Variants in IGSF10 observed in about 807,000 individuals in gnomAD.
The protein encoded by IGSF10 is calvaria mechanical force protein 608.
Under a neutral mutation model 128.2 loss-of-function variants are expected in IGSF10, and 126 were observed. The observed-to-expected ratio is 0.98, with a 90% confidence interval of 0.85 to 1.14. IGSF10 has a LOEUF of 1.14. Ranked by LOEUF, IGSF10 falls within the 50% of genes most tolerant of loss-of-function variation. The probability of loss-of-function intolerance (pLI) is 0.00; values close to 1 mark genes in which losing one functional copy is unlikely to be tolerated. For synonymous variants in IGSF10, 1,185 were observed against 1,146.2 expected (o/e 1.03, Z -0.68); for missense variants, 3,295 against 3,149.8 (o/e 1.05, Z -1.10).
In IGSF10 at chr3:151,448,184, A is replaced by G. The variant is rs1164786327; in HGVS notation, c.1797T>C (p.Gly599=). 1 of 1,614,112 alleles carries G rather than the reference A, an allele frequency of 6.2e-7. No individual in the cohort carries two copies. The highest frequency in any genetic ancestry group is 8.5e-7 in the Non-Finnish European group (1 of 1,180,044). ...ETLDLPCHST[G]IPDASISWVI... ...CCCAGCTAATAGAGGCATCTGGGAT[A>G]CCAGTAGAATGGCATGGAAGATCAA... Residue 599 remains glycine (G), a synonymous_variant, in exon 6 of 8, where the codon GGT becomes GGC. Coordinates refer to ENST00000282466, the MANE Select transcript of IGSF10 (RefSeq NM_178822.5).
At chr3:151,616,026 G>A in the IGSF10 span, among the ~76,000 whole-genome samples, 3 of 148,216 alleles carry the variant, frequency 2.0e-5, no homozygotes, top group Non-Finnish European at 3.0e-5. Flanking sequence ...GTGCAATGGC[G>A]TGATCTCGGC....
rs1473253147 is a variant in IGSF10 at position 151,448,535 on chromosome 3, C to G, written c.1446G>C (p.Lys482Asn). 1 of 1,614,218 alleles carries G rather than the reference C, an allele frequency of 6.2e-7. No homozygotes were observed. Among genetic ancestry groups the G allele is most frequent in the South Asian group, 1.1e-5 (1 of 91,090 alleles). The change falls in exon 6 of 8, where the codon AAG becomes AAC. Residue 482 changes from lysine (K) to asparagine (N), a missense_variant. Coordinates refer to ENST00000282466, the MANE Select transcript of IGSF10 (RefSeq NM_178822.5). The stretch of plus-strand genomic sequence containing the variant: ...CACCTACCAAGACAGTATGTTCCAG[C>G]TTAGTATTGTTATCCCTTGAAATCA... ...WTMISRDNNT[K>N]LEHTVLVGGT...
chr3:151,433,770 A>C (rs1352371730), downstream of IGSF10: 1 of 152,636 alleles, frequency 6.6e-6, no homozygotes, highest in Non-Finnish European at 1.5e-5. Context: ...GGTTTTCATA[A>C]AAGGTGTATT....
the IGSF10 span, among the ~76,000 whole-genome samples, chr3:151,532,899 G>A: frequency 6.6e-6 from 1 of 152,190 alleles, no homozygotes; most frequent in Non-Finnish European, 1.5e-5. Context: ...ATTTGCAGAT[G>A]ACATGATTGT....
chr3:151,611,797 T>C, the IGSF10 span, among the ~76,000 whole-genome samples: 1 of 152,194 alleles, frequency 6.6e-6, no homozygotes, highest in African/African-American at 2.4e-5. Context: ...TTAACCTGAC[T>C]TCTTTCCTTC....
At chr3:151,516,862 CA>C in the IGSF10 span, among the ~76,000 whole-genome samples, 1 of 152,046 alleles carries the variant, frequency 6.6e-6, no homozygotes, top group Non-Finnish European at 1.5e-5. Flanking sequence ...CAGTTGTCAC[CA>C]AAACAGTTGC....
the IGSF10 span, among the ~76,000 whole-genome samples, chr3:151,619,703 G>A: frequency 6.6e-6 from 1 of 152,152 alleles, no homozygotes; most frequent in Non-Finnish European, 1.5e-5. Context: ...CACTGCGGCA[G>A]GGTTGAGAGG....
chr3:151,440,682 T>G, intron 7 of IGSF10: 1 of 450,992 alleles, frequency 2.2e-6, no homozygotes, highest in South Asian at 1.6e-5. Flanking sequence ...GGCTAAACAT[T>G]AAAACACTTG....
At chr3:151,454,002 TTTC>T (rs1257953146) in intron 4 of IGSF10, among the ~76,000 whole-genome samples, 1 of 140,380 alleles carries the variant, frequency 7.1e-6, no homozygotes, top group Non-Finnish European at 1.5e-5. Flanking sequence ...GATATATATA[TTTC>T]TTTTTTTCTT....
the IGSF10 span, among the ~76,000 whole-genome samples, chr3:151,503,507 T>C: frequency 2.0e-5 from 3 of 152,156 alleles, no homozygotes; most frequent in African/African-American, 7.2e-5. Context: ...CCTTAACAGA[T>C]TAGAGACAAA....
chr3:151,457,405 C>T (rs1004322768), intron 3 of IGSF10, among the ~76,000 whole-genome samples: 2 of 152,172 alleles, frequency 1.3e-5, no homozygotes, highest in Non-Finnish European at 2.9e-5. Context: ...TTATCATTTT[C>T]AAACTTTTAT....
chr3:151,475,176 A>G, the IGSF10 span, among the ~76,000 whole-genome samples: 1 of 152,368 alleles, frequency 6.6e-6, no homozygotes, highest in African/African-American at 2.4e-5. Flanking sequence ...AAGAACATAA[A>G]GATTCATTCA....
the IGSF10 span, among the ~76,000 whole-genome samples, chr3:151,571,338 C>T: frequency 7.9e-5 from 12 of 151,874 alleles, no homozygotes; most frequent in Non-Finnish European, 1.0e-4. Flanking sequence ...GCCATTTTCA[C>T]GATATTGATT....
chr3:151,467,177 T>G, the IGSF10 span, among the ~76,000 whole-genome samples: 24 of 152,228 alleles, frequency 1.6e-4, no homozygotes, highest in Non-Finnish European at 2.4e-4. Context: ...TAACTTCGAC[T>G]GTTTCTTCTC....
At chr3:151,460,688 C>G (rs1722005004) in intron 1 of IGSF10, among the ~76,000 whole-genome samples, 1 of 152,046 alleles carries the variant, frequency 6.6e-6, no homozygotes, top group African/African-American at 2.4e-5. Context: ...TTGGACAAAT[C>G]TGTCACAGAT....
the IGSF10 span, among the ~76,000 whole-genome samples, chr3:151,493,674 A>G: frequency 6.6e-6 from 1 of 152,146 alleles, no homozygotes; most frequent in African/African-American, 2.4e-5. Context: ...TATACCAACT[A>G]TGTTTGTATA....
At position 151,445,289 on chromosome 3, in the gene IGSF10, T is replaced by C. The variant is rs767399614; in HGVS notation, c.4692A>G (p.Lys1564=). 1 of 1,614,210 alleles carries C rather than the reference T, an allele frequency of 6.2e-7. No homozygotes were observed. The highest frequency in any genetic ancestry group is 8.5e-7 in the Non-Finnish European group (1 of 1,180,036). ...ALTTVKSQNS[K]LTPSPWAENQ... ...TTTCTGCCCAGGGAGATGGAGTTAA[T>C]TTAGAATTCTGTGATTTAACTGTTG... The change falls in exon 6 of 8, where the codon AAA becomes AAG. Residue 1564 remains lysine (K), a synonymous_variant. Coordinates refer to ENST00000282466, the MANE Select transcript of IGSF10 (RefSeq NM_178822.5).
chr3:151,580,269 T>A, the IGSF10 span, among the ~76,000 whole-genome samples: 4 of 151,956 alleles, frequency 2.6e-5, no homozygotes, highest in African/African-American at 9.7e-5. Flanking sequence ...GAATGAGGAC[T>A]TTACACGTAA....
chr3:151,474,004 G>A, the IGSF10 span, among the ~76,000 whole-genome samples: 2 of 151,830 alleles, frequency 1.3e-5, no homozygotes, highest in South Asian at 4.2e-4. Context: ...GTGGTAGTGG[G>A]GTATCAGTTG....
Sources: gnomAD v4.1 joint callset for allele counts (sites outside exome capture counted in the v4.1 genomes callset) on GRCh38, gnomAD v4.1.1 for gene constraint, MANE v1.5 for transcripts, NCBI Gene and HGNC (gene_info 2026-07-23, HGNC 2026-07-21) for gene names.